Variants in TRIP12 observed in about 807,000 individuals in gnomAD.
The protein encoded by TRIP12 is E3 ubiquitin-protein ligase TRIP12.
A neutral mutation model predicts 244.2 loss-of-function variants in TRIP12; 25 were observed. That is an observed-to-expected ratio of 0.10 (90% CI 0.07 to 0.14). The LOEUF is 0.14. Among genes scored for constraint, TRIP12 ranks in the 10% least tolerant of loss-of-function variants. The probability of loss-of-function intolerance (pLI) is 1.00; values close to 1 mark genes in which losing one functional copy is unlikely to be tolerated. For missense variants in TRIP12, 1,677 were observed against 2,486.4 expected (o/e 0.67, Z 6.92); for synonymous variants, 905 against 873.1 (o/e 1.04, Z -0.64).
intron 2 of TRIP12, among the ~76,000 whole-genome samples, chr2:229,872,674 CA>C (rs2062877940): frequency 6.6e-6 from 1 of 152,090 alleles, no homozygotes; most frequent in Non-Finnish European, 1.5e-5. Context: ...AACAAAAATA[CA>C]AATACAAAGC....
rs116253104 is a variant in TRIP12 at position 229,806,656 on chromosome 2, C to T, written c.2497-773G>A. Among the ~76,000 whole-genome samples, 470 of 152,296 alleles carry T rather than the reference C, an allele frequency of 3.1e-3. 4 individuals carry two copies. Among genetic ancestry groups the T allele is most frequent in the African/African-American group, 0.011 (444 of 41,556 alleles). On this transcript the variant is annotated intron_variant, in intron 17 of 41. Coordinates refer to ENST00000675903, the MANE Select transcript of TRIP12 (RefSeq NM_001348323.3). The stretch of plus-strand genomic sequence containing the variant: ...GACCACTATTAGCAGGATTGGCCTG[C>T]TTATACACTGCTTATATATAATGCT...
chr2:229,789,822 G>C, intron 30 of TRIP12, 60 bp from the exon 31 acceptor site: 2 of 1,575,756 alleles, frequency 1.3e-6, no homozygotes, highest in African/African-American at 2.7e-5. Flanking sequence ...AGCCAGTGCA[G>C]CCAAGGTCCT....
At chr2:229,905,458 C>A (rs988454168) in intron 1 of TRIP12, among the ~76,000 whole-genome samples, 1 of 152,008 alleles carries the variant, frequency 6.6e-6, no homozygotes, top group East Asian at 1.9e-4. Flanking sequence ...CACCACAGAC[C>A]CTCACTTGTA....
rs560382712 is a variant in TRIP12 at position 229,839,089 on chromosome 2, C to T, written c.1133+1733G>A. ...TGCATAATGTTGTTTCTGTCAAGGA[C>T]GAACCACGTATATGACCGTGGTCCT... is the stretch of plus-strand genomic sequence containing the variant. On this transcript the variant is annotated intron_variant, in intron 5 of 41. Coordinates refer to ENST00000675903, the MANE Select transcript of TRIP12 (RefSeq NM_001348323.3). Among the ~76,000 whole-genome samples the T allele has an allele frequency of 3.3e-5, 5 of 152,286 alleles. No individual in the cohort carries two copies. In the East Asian group the frequency reaches 7.7e-4, roughly 23 times the overall value.
chr2:229,788,424 T>C (rs1559403505), intron 32 of TRIP12, among the ~76,000 whole-genome samples: 1 of 152,218 alleles, frequency 6.6e-6, no homozygotes, highest in Admixed American at 6.5e-5. Flanking sequence ...GGACTGCCGA[T>C]TTAAATGTAT....
chr2:229,798,010 C>G (rs888700964), intron 23 of TRIP12, among the ~76,000 whole-genome samples, 179 bp from the exon 24 acceptor site: 1 of 152,206 alleles, frequency 6.6e-6, no homozygotes, highest in African/African-American at 2.4e-5. Flanking sequence ...GATGTACCAC[C>G]TGGAGAACTG....
chr2:229,812,080 T>TTTTA (rs776390202), intron 13 of TRIP12, among the ~76,000 whole-genome samples: 70 of 152,232 alleles, frequency 4.6e-4, no homozygotes, highest in African/African-American at 1.6e-3. Context: ...TCAACTATGT[T>TTTTA]TTTATTTATT....
intron 2 of TRIP12, among the ~76,000 whole-genome samples, chr2:229,867,259 G>A (rs11674915): frequency 1.3e-5 from 2 of 150,008 alleles, no homozygotes; most frequent in Non-Finnish European, 3.0e-5. Context: ...TCTGCCTCCT[G>A]GGTTCAAGAG....
Position 229,851,418 on chromosome 2 carries a change from C to G in TRIP12, c.1027+7354G>C, listed in dbSNP as rs867250987. Among the ~76,000 whole-genome samples the G allele has an allele frequency of 1.4e-4, 22 of 152,208 alleles. No individual in the cohort carries two copies. In the South Asian group the frequency reaches 2.1e-3, roughly 14 times the overall value. ...CATGGAGAACCTTTAGTGTCTAGCTCAGGGATTGTAAATGCACCAATTAGC... is the reference window on the plus strand; with the variant it reads ...CATGGAGAACCTTTAGTGTCTAGCTGAGGGATTGTAAATGCACCAATTAGC... On this transcript the variant is annotated intron_variant, in intron 4 of 41. Transcript: ENST00000675903.
chr2:229,769,208 A>G (rs1015686992), intron 40 of TRIP12, 23 bp downstream of exon 40: 1 of 1,601,744 alleles, frequency 6.2e-7, no homozygotes, highest in Non-Finnish European at 8.5e-7. Flanking sequence ...TCAACAGAAA[A>G]ACTGGCAGAC....
chr2:229,791,545 A>T (rs1166925922), intron 29 of TRIP12, among the ~76,000 whole-genome samples: 7 of 152,224 alleles, frequency 4.6e-5, no homozygotes, highest in Admixed American at 4.6e-4. Flanking sequence ...CCTCTTAAGG[A>T]CTCAGAGATG....
At chr2:229,886,021 A>C (rs1298615091) in intron 1 of TRIP12, among the ~76,000 whole-genome samples, 1 of 152,098 alleles carries the variant, frequency 6.6e-6, no homozygotes, top group Admixed American at 6.6e-5. Context: ...TTAAAGAAAA[A>C]CGGGGGAAAT....
At position 229,799,017 on chromosome 2, in the gene TRIP12, A is replaced by G; in HGVS notation, c.3340T>C (p.Ser1114Pro). The change falls in exon 23 of 42, where the codon TCT becomes CCT. Residue 1114 changes from serine (S) to proline (P), a missense_variant. Ser to Pro is a moderately conservative substitution (Grantham distance 74). This residue lies in a region of TRIP12 where 572 missense variants were observed against 867.8 expected (regional missense o/e 0.66). Transcript: ENST00000675903. ...KSPTTTQSPK[S>P]SFLASLNPKT... ...GGATTCAAGCTTGCCAGGAAAGAAG[A>G]TTTAGGTGACTGAGTAGTGGTGGGG... 1 of 1,614,226 alleles carries G rather than the reference A, an allele frequency of 6.2e-7. No homozygotes were observed. Among genetic ancestry groups the G allele is most frequent in the Non-Finnish European group, 8.5e-7 (1 of 1,180,038 alleles).
intron 11 of TRIP12, chr2:229,814,599 TGA>T (rs2048050260): frequency 3.3e-6 from 1 of 300,462 alleles, no homozygotes; most frequent in African/African-American, 2.2e-5. Context: ...TTAAAATAGA[TGA>T]GTTGTTTTAC....
chr2:229,808,470 T>C (rs970139983), intron 15 of TRIP12, 101 bp from the exon 16 acceptor site: 2 of 773,606 alleles, frequency 2.6e-6, no homozygotes, highest in African/African-American at 3.5e-5. Context: ...TCAGAATCAT[T>C]TTCTTACAAA....
In TRIP12 at chr2:229,766,138, T is replaced by C. The variant is rs561530478; in HGVS notation, c.*1416A>G. On this transcript the variant is annotated 3_prime_UTR_variant, in exon 42 of 42. Coordinates refer to ENST00000675903, the MANE Select transcript of TRIP12 (RefSeq NM_001348323.3). The stretch of plus-strand genomic sequence containing the variant: ...AAAAAAAACTAGCTCATCTCTTATT[T>C]TCAAGGAGATGAATTATGGAAAATT... 1.1e-4 allele frequency: 16 copies of C among 152,300 alleles called. 1 individual carries two copies. In the South Asian group the frequency reaches 2.9e-3, roughly 28 times the overall value. 9.4% of individuals were successfully genotyped at this position (152,300 alleles called of 1,614,324 possible). A position where few individuals can be genotyped will look rare whatever the true frequency, so the allele number is the denominator to read the frequency against.
chr2:229,901,613 A>C (rs2070864648), intron 1 of TRIP12, among the ~76,000 whole-genome samples: 1 of 101,040 alleles, frequency 9.9e-6, no homozygotes, highest in Admixed American at 1.0e-4. Context: ...ACAGAATGAG[A>C]CTGTCTGAAA....
chr2:229,789,844 A>C, intron 30 of TRIP12, 82 bp from the exon 31 acceptor site: 1 of 1,468,712 alleles, frequency 6.8e-7, no homozygotes, highest in Non-Finnish European at 9.3e-7. Context: ...TCATCGCTAA[A>C]AGAGTAACAG....
At chr2:229,881,707 G>A (rs535145258) in intron 1 of TRIP12, among the ~76,000 whole-genome samples, 11 of 152,248 alleles carry the variant, frequency 7.2e-5, no homozygotes, top group African/African-American at 2.4e-4. Flanking sequence ...GGCAGGCAGA[G>A]AGAGAAGAAA....
Sources: allele counts gnomAD v4.1 joint callset (sites outside exome capture counted in the v4.1 genomes callset), GRCh38; gene constraint gnomAD v4.1.1; regional missense constraint gnomAD v4.1.1; transcripts MANE v1.5; gene names NCBI Gene and HGNC (gene_info 2026-07-23, HGNC 2026-07-21).